The following LIMK2 variants were observed in gnomAD, a reference collection of about 807,000 sequenced individuals.
LIMK2 encodes LIM domain kinase 2.
Under a neutral mutation model 75.7 loss-of-function variants are expected in LIMK2, and 35 were observed. The ratio of observed to expected loss-of-function variants is 0.46; its 90% CI spans 0.35 to 0.61. The LOEUF (loss-of-function observed/expected upper bound fraction) is 0.61, where lower values mean the gene tolerates loss of function less well. Ranked by LOEUF, LIMK2 falls within the 20% of genes least tolerant of loss-of-function variation. The probability of loss-of-function intolerance (pLI) is 0.00; values close to 1 mark genes in which losing one functional copy is unlikely to be tolerated. For missense variants in LIMK2, 623 were observed against 831.0 expected, an observed-to-expected ratio of 0.75 and a Z score of 3.08; for synonymous variants, 301 against 319.2, an observed-to-expected ratio of 0.94 and a Z score of 0.61.
rs529919320 is a variant in LIMK2 at position 31,257,040 on chromosome 22, A to ATTTTTT, written c.117-1222_117-1217dup. ...TCATTAGGGGAGAAGGGAGCTATAG[A>ATTTTTT]TTTTTTTTTTTTTTTTTTTTTTTTT... is the stretch of plus-strand genomic sequence containing the variant. On this transcript the variant is annotated intron_variant, in intron 2 of 15. Transcript: ENST00000331728. Among the ~76,000 whole-genome samples the ATTTTTT allele has an allele frequency of 4.9e-3, 369 of 74,988 alleles. 16 individuals carry two copies. Among genetic ancestry groups the ATTTTTT allele is most frequent in the Admixed American group, 0.012 (74 of 6,278 alleles). 49.2% of individuals were successfully genotyped at this position (74,988 alleles called of 152,430 possible).
chr22:31,273,400 A>G (rs2048978777), intron 13 of LIMK2, 52 bp from the exon 14 acceptor site: 3 of 1,515,956 alleles, frequency 2.0e-6, no homozygotes, highest in Non-Finnish European at 2.7e-6. Flanking sequence ...GACCCAGTGC[A>G]GAGCAGGTAA....
chr22:31,216,971 A>T (rs537556339), intron 1 of LIMK2, among the ~76,000 whole-genome samples: 86 of 152,352 alleles, frequency 5.6e-4, no homozygotes, highest in African/African-American at 8.4e-4. Flanking sequence ...ATTTACATTG[A>T]ATAGTAACTA....
intron 1 of LIMK2, among the ~76,000 whole-genome samples, chr22:31,215,131 C>T (rs932127037): frequency 2.6e-5 from 4 of 152,118 alleles, no homozygotes; most frequent in Non-Finnish European, 5.9e-5. Flanking sequence ...GAGACAGGCC[C>T]AGAAATGACA....
intron 2 of LIMK2, among the ~76,000 whole-genome samples, chr22:31,243,154 TC>T (rs987975943): frequency 6.6e-6 from 1 of 152,208 alleles, no homozygotes; most frequent in African/African-American, 2.4e-5. Flanking sequence ...ACACTTGACC[TC>T]AAGTGATCTG....
At chr22:31,234,105 C>T (rs917229204) in intron 2 of LIMK2, among the ~76,000 whole-genome samples, 1 of 151,954 alleles carries the variant, frequency 6.6e-6, no homozygotes, top group Non-Finnish European at 1.5e-5. Context: ...TTCTGCCTCC[C>T]GGGTTTAAGC....
In LIMK2 at chr22:31,278,299, C is replaced by T. The variant is rs761085598; in HGVS notation, c.1775C>T (p.Pro592Leu). 2.4e-5 allele frequency: 38 copies of T among 1,611,288 alleles called. No individual in the cohort carries two copies. Among genetic ancestry groups the T allele is most frequent in the Non-Finnish European group, 3.2e-5 (38 of 1,178,708 alleles). Residue 592 changes from proline to leucine, a missense_variant and splice_region_variant, in exon 16 of 16, where the codon CCA becomes CTA. Coordinates refer to ENST00000331728, the MANE Select transcript of LIMK2 (RefSeq NM_005569.4). ...ICCRLEPESR[P>L]AFSKLEDSFE... ...TAATTTACCTCTTTTCCTTCTAGAC[C>T]AGCATTCTCGAAATTGGAGGACTCC...
In LIMK2 at chr22:31,278,548, A is replaced by C. The variant is rs2049055435; in HGVS notation, c.*107A>C. On this transcript the variant is annotated 3_prime_UTR_variant, in exon 16 of 16. Transcript: ENST00000331728. ...TCCGGGCTTCCTGTGGATTGGCGGAATGTTTAGAAGCAGAACAAGCCATTC... is the reference window on the plus strand; with the variant it reads ...TCCGGGCTTCCTGTGGATTGGCGGACTGTTTAGAAGCAGAACAAGCCATTC... 6 of 1,288,692 alleles carry C rather than the reference A, an allele frequency of 4.7e-6. No individual in the cohort carries two copies. The highest frequency in any genetic ancestry group is 1.0e-6 in the Non-Finnish European group (1 of 955,136). 79.8% of individuals were successfully genotyped at this position (1,288,692 alleles called of 1,614,324 possible).
chr22:31,215,769 G>A (rs549571272), intron 1 of LIMK2, among the ~76,000 whole-genome samples: 19 of 152,182 alleles, frequency 1.2e-4, no homozygotes, highest in African/African-American at 2.9e-4. Context: ...AAAAGCCACC[G>A]CACTCCAGCC....
At chr22:31,252,370 C>A (rs5753523) in intron 2 of LIMK2, among the ~76,000 whole-genome samples, 43,744 of 151,742 alleles carry the variant, frequency 0.29, 8,883 homozygotes, top group African/African-American at 0.56. Flanking sequence ...TAGGGAGACC[C>A]TGTCTCTACA....
rs567200775 is a variant in LIMK2, at chr22:31,272,632, C to T, written c.1486C>T (p.Arg496Cys). The T allele has an allele frequency of 9.7e-5, 157 of 1,613,978 alleles. No individual in the cohort carries two copies. In the South Asian group the frequency reaches 9.9e-4, roughly 10 times the overall value. ...EKATTKKRTL[R>C]KNDRKKRYTV... ...GGCCACCACCAAGAAACGCACCTTG[C>T]GCAAGAACGACCGCAAGAAGCGCTA... The change falls in exon 13 of 16, where the codon CGC becomes TGC. Residue 496 changes from arginine (R) to cysteine (C), a missense_variant. Transcript: ENST00000331728.
At chr22:31,217,415 A>G (rs1434294263) in intron 1 of LIMK2, among the ~76,000 whole-genome samples, 1 of 151,902 alleles carries the variant, frequency 6.6e-6, no homozygotes, top group Non-Finnish European at 1.5e-5. Context: ...AAAAAAAGAC[A>G]GGCTTTGGAG....
At chr22:31,259,868 C>A (rs1211123657) in intron 4 of LIMK2, 21 bp from the exon 5 acceptor site, 1 of 1,584,560 alleles carries the variant, frequency 6.3e-7, no homozygotes. Flanking sequence ...CATCTTATTC[C>A]CCCCTGTGCC....
chr22:31,238,669 G>A (rs186594412), intron 2 of LIMK2, among the ~76,000 whole-genome samples: 178 of 152,140 alleles, frequency 1.2e-3, no homozygotes, highest in African/African-American at 4.1e-3. Flanking sequence ...CTCCTTCCTC[G>A]TTGCTTCTTT....
intron 1 of LIMK2, among the ~76,000 whole-genome samples, chr22:31,217,081 AG>A (rs973758698): frequency 1.3e-5 from 2 of 152,076 alleles, no homozygotes; most frequent in African/African-American, 4.8e-5. Context: ...TGTTTTGTCC[AG>A]GAAAGAAAGT....
At chr22:31,237,260 C>CAAAAAA (rs1349737616) in intron 2 of LIMK2, among the ~76,000 whole-genome samples, 1 of 61,962 alleles carries the variant, frequency 1.6e-5, no homozygotes, top group Admixed American at 1.8e-4. Flanking sequence ...GACTCTGTCT[C>CAAAAAA]AAAAAAAAAA....
chr22:31,256,727 A>G (rs1210542889), intron 2 of LIMK2, among the ~76,000 whole-genome samples: 1 of 152,206 alleles, frequency 6.6e-6, no homozygotes, highest in African/African-American at 2.4e-5. Context: ...GAGAAGTAAA[A>G]TATCTTGCCC....
At chr22:31,255,062 C>T (rs2048764079) in intron 2 of LIMK2, among the ~76,000 whole-genome samples, 1 of 152,148 alleles carries the variant, frequency 6.6e-6, no homozygotes, top group Non-Finnish European at 1.5e-5. Flanking sequence ...CCCAAGATCA[C>T]TTAGGTGGTA....
At position 31,278,574 on chromosome 22, in the gene LIMK2, C is replaced by A; in HGVS notation, c.*133C>A. The A allele has an allele frequency of 1.1e-6, 1 of 938,242 alleles. No homozygotes were observed. Among genetic ancestry groups the A allele is most frequent in the Non-Finnish European group, 1.5e-6 (1 of 660,438 alleles). 58.1% of individuals were successfully genotyped at this position (938,242 alleles called of 1,614,324 possible). ...TGTTTAGAAGCAGAACAAGCCATTCCTATTACCTCCCCAGGAGGCAAGTGG... is the reference window on the plus strand; with the variant it reads ...TGTTTAGAAGCAGAACAAGCCATTCATATTACCTCCCCAGGAGGCAAGTGG... On this transcript the variant is annotated 3_prime_UTR_variant, in exon 16 of 16. Coordinates refer to ENST00000331728, the MANE Select transcript of LIMK2 (RefSeq NM_005569.4).
At chr22:31,250,567 G>A (rs925378014) in intron 2 of LIMK2, among the ~76,000 whole-genome samples, 1 of 127,560 alleles carries the variant, frequency 7.8e-6, no homozygotes, top group African/African-American at 2.8e-5. Flanking sequence ...ACTGACTTTC[G>A]TAGACATTCT....
Sources: allele counts gnomAD v4.1 joint callset (sites outside exome capture counted in the v4.1 genomes callset), GRCh38; gene constraint gnomAD v4.1.1; transcripts MANE v1.5; gene names NCBI Gene and HGNC (gene_info 2026-07-23, HGNC 2026-07-21).